Variants in PCDHA12 observed in about 807,000 individuals in gnomAD.
PCDHA12 encodes protocadherin alpha 12.
Under a neutral mutation model 60.0 loss-of-function variants are expected in PCDHA12, and 44 were observed. That is an observed-to-expected ratio of 0.73 (90% CI 0.58 to 0.94). The LOEUF is 0.94. Among genes scored for constraint, PCDHA12 ranks in the 40% least tolerant of loss-of-function variants. The probability of loss-of-function intolerance (pLI) is 0.00; values close to 1 mark genes in which losing one functional copy is unlikely to be tolerated. For missense variants in PCDHA12, 1,276 were observed against 1,239.7 expected (o/e 1.03, Z -0.44); for synonymous variants, 569 against 553.0 (o/e 1.03, Z -0.40).
In PCDHA12 at chr5:140,961,349, T is replaced by C. The variant is rs1352312577; in HGVS notation, c.2368-17600T>C. Among the ~76,000 whole-genome samples the C allele has an allele frequency of 2.0e-5, 3 of 152,204 alleles. No individual in the cohort carries two copies. The East Asian group carries it at 5.8e-4, about 29-fold the overall frequency. On this transcript the variant is annotated intron_variant, in intron 1 of 3. Coordinates refer to ENST00000398631, the MANE Select transcript of PCDHA12 (RefSeq NM_018903.4). Reference sequence around the variant, plus strand: ...TTGAGAGACCAAGAGTGGATCCCTGTAGTCCCCATTAGAATTCTCCTTCTA... The same window carrying C: ...TTGAGAGACCAAGAGTGGATCCCTGCAGTCCCCATTAGAATTCTCCTTCTA...
intron 3 of PCDHA12, among the ~76,000 whole-genome samples, chr5:140,987,781 A>G (rs2097267961): frequency 6.6e-6 from 1 of 152,208 alleles, no homozygotes; most frequent in East Asian, 1.9e-4. Context: ...AGAATCTGCT[A>G]TAGAGAAGAT....
chr5:140,889,766 A>T (rs2062380294), intron 1 of PCDHA12, among the ~76,000 whole-genome samples: 1 of 152,064 alleles, frequency 6.6e-6, no homozygotes, highest in Non-Finnish European at 1.5e-5. Flanking sequence ...TTGAACTTTG[A>T]CTGGTCTTAA....
At chr5:140,959,712 T>G (rs166567) in intron 1 of PCDHA12, among the ~76,000 whole-genome samples, 1 of 152,020 alleles carries the variant, frequency 6.6e-6, no homozygotes, top group African/African-American at 2.4e-5. Flanking sequence ...AAAGGGAAAA[T>G]TTTTAGATAA....
intron 1 of PCDHA12, among the ~76,000 whole-genome samples, chr5:140,914,442 CT>C (rs782585142): frequency 1.5e-4 from 23 of 152,072 alleles, no homozygotes; most frequent in Non-Finnish European, 2.9e-4. Context: ...TTTCCCATGT[CT>C]TTATTTTCCA....
At chr5:140,929,038 C>T in intron 1 of PCDHA12, 2 of 1,614,158 alleles carry the variant, frequency 1.2e-6, no homozygotes, top group South Asian at 1.1e-5. Context: ...CTGTTGCGCT[C>T]AGAGCTGCTG....
intron 1 of PCDHA12, chr5:140,969,442 T>G (rs1554231813): frequency 1.6e-5 from 25 of 1,543,830 alleles, no homozygotes; most frequent in Non-Finnish European, 2.2e-5. Flanking sequence ...AGTTATCTGG[T>G]AAACTGAGTA....
chr5:140,875,428 C>T lies in PCDHA12; in HGVS notation c.-45C>T, dbSNP rs782761347. 6.5e-7 allele frequency: 1 copy of T among 1,537,796 alleles called. No individual in the cohort carries two copies. The highest frequency in any genetic ancestry group is 8.7e-7 in the Non-Finnish European group (1 of 1,145,772). On this transcript the variant is annotated 5_prime_UTR_variant, in exon 1 of 4. Coordinates refer to ENST00000398631, the MANE Select transcript of PCDHA12 (RefSeq NM_018903.4). ...TCATAAAATACCTCAGGCAAGCGATCCCTTAAAACTGATTGTCCCAACTCA... is the reference window on the plus strand; with the variant it reads ...TCATAAAATACCTCAGGCAAGCGATTCCTTAAAACTGATTGTCCCAACTCA...
chr5:141,002,166 G>A (rs1212034616), intron 3 of PCDHA12, among the ~76,000 whole-genome samples: 1 of 152,234 alleles, frequency 6.6e-6, no homozygotes, highest in Non-Finnish European at 1.5e-5. Context: ...TGGGCGGTAG[G>A]CAGGCTCCAG....
intron 1 of PCDHA12, among the ~76,000 whole-genome samples, chr5:140,975,067 T>C (rs2096652705): frequency 6.6e-6 from 1 of 152,146 alleles, no homozygotes; most frequent in African/African-American, 2.4e-5. Flanking sequence ...TCGAGCTCAT[T>C]CAGATTGTTG....
rs782003848 is a variant in PCDHA12 at position 140,929,358 on chromosome 5, G to GC, written c.2368-49588dup. The GC allele has an allele frequency of 3.9e-6, 6 of 1,522,886 alleles. No homozygotes were observed. The South Asian group carries it at 5.3e-5, about 13-fold the overall frequency. 94.3% of individuals were successfully genotyped at this position (1,522,886 alleles called of 1,614,324 possible). A position where few individuals can be genotyped will look rare whatever the true frequency, so the allele number is the denominator to read the frequency against. Reference sequence around the variant, plus strand: ...AATTTTATGGAATTTGATTCCTTTGGCCCGGAGATGGCTGCTAGCTGTGTT... The same window carrying GC: ...AATTTTATGGAATTTGATTCCTTTGGCCCCGGAGATGGCTGCTAGCTGTGTT... On this transcript the variant is annotated intron_variant, in intron 1 of 3. Coordinates refer to ENST00000398631, the MANE Select transcript of PCDHA12 (RefSeq NM_018903.4).
At chr5:140,985,619 G>A (rs961379624) in intron 3 of PCDHA12, among the ~76,000 whole-genome samples, 1 of 152,064 alleles carries the variant, frequency 6.6e-6, no homozygotes, top group Non-Finnish European at 1.5e-5. Flanking sequence ...TGAACCAGCT[G>A]TGTATTGCTC....
At chr5:140,981,812 A>C (rs1563492177) in intron 2 of PCDHA12, among the ~76,000 whole-genome samples, 1 of 152,052 alleles carries the variant, frequency 6.6e-6, no homozygotes, top group African/African-American at 2.4e-5. Context: ...TTTATGTTCT[A>C]TCTCTGCTTG....
At chr5:140,969,775 G>A (rs879968185) in intron 1 of PCDHA12, among the ~76,000 whole-genome samples, 9 of 152,174 alleles carry the variant, frequency 5.9e-5, no homozygotes, top group Admixed American at 5.9e-4. Flanking sequence ...GCCTCTAGGG[G>A]CTATCATAGT....
In PCDHA12 at chr5:140,876,789, T is replaced by C. The variant is rs782509311; in HGVS notation, c.1317T>C (p.Ala439=). The C allele has an allele frequency of 6.0e-5, 97 of 1,614,054 alleles. No homozygotes were observed. The highest frequency in any genetic ancestry group is 7.5e-5 in the Non-Finnish European group (88 of 1,180,040). ...DGGSPSLWAT[A]RVSVEVADVN... ...GCTCGCCTTCGCTGTGGGCCACGGC[T>C]AGAGTGTCCGTGGAGGTGGCCGACG... Residue 439 remains alanine, a synonymous_variant, in exon 1 of 4, where the codon GCT becomes GCC. Transcript: ENST00000398631.
chr5:140,976,378 C>A (rs908008970), intron 1 of PCDHA12, among the ~76,000 whole-genome samples: 2 of 151,926 alleles, frequency 1.3e-5, no homozygotes, highest in Non-Finnish European at 2.9e-5. Flanking sequence ...TGGTGAAACC[C>A]CATCTCTACT....
chr5:140,996,175 C>T (rs1296990069), intron 3 of PCDHA12, among the ~76,000 whole-genome samples: 2 of 152,336 alleles, frequency 1.3e-5, no homozygotes, highest in Middle Eastern at 3.4e-3. Flanking sequence ...GTGCTGACAG[C>T]ACCTCCATTT....
chr5:140,906,021 A>G (rs1422492231), intron 1 of PCDHA12, among the ~76,000 whole-genome samples: 1 of 152,182 alleles, frequency 6.6e-6, no homozygotes, highest in African/African-American at 2.4e-5. Context: ...TAATCTCTCC[A>G]CGTTCTTCTG....
chr5:141,007,654 C>G (rs1461130528), intron 3 of PCDHA12, among the ~76,000 whole-genome samples: 1 of 152,052 alleles, frequency 6.6e-6, no homozygotes, highest in Non-Finnish European at 1.5e-5. Flanking sequence ...CCTAAAAAAC[C>G]ATAAATTTAC....
rs548122977 is a variant in PCDHA12 at position 141,010,588 on chromosome 5, T to C, written c.*651T>C. ...AGGCTTTAGGAGACCCTAAAGTCTG[T>C]TGGCTGTGACGTCATTATACCTAAA... On this transcript the variant is annotated 3_prime_UTR_variant, in exon 4 of 4. Coordinates refer to ENST00000398631, the MANE Select transcript of PCDHA12 (RefSeq NM_018903.4). 5 of 233,334 alleles carry C rather than the reference T, an allele frequency of 2.1e-5. No individual in the cohort carries two copies. In the East Asian group the frequency reaches 4.8e-4, roughly 22 times the overall value. 14.5% of individuals were successfully genotyped at this position (233,334 alleles called of 1,614,324 possible).
Sources: gnomAD v4.1 joint callset for allele counts (sites outside exome capture counted in the v4.1 genomes callset) on GRCh38, gnomAD v4.1.1 for gene constraint, MANE v1.5 for transcripts, NCBI Gene and HGNC (gene_info 2026-07-23, HGNC 2026-07-21) for gene names.